Variants in ARMH4 observed in about 807,000 individuals in gnomAD.
ARMH4 encodes armadillo like helical domain containing 4.
In ARMH4, 49 loss-of-function variants were observed where a neutral mutation model predicts 61.9. That is an observed-to-expected ratio of 0.79 (90% CI 0.63 to 1.00). The LOEUF (loss-of-function observed/expected upper bound fraction) is 1.00. Among genes scored for constraint, ARMH4 ranks in the 50% least tolerant of loss-of-function variants. ARMH4 has a pLI of 0.00. For missense variants in ARMH4, 934 were observed against 930.0 expected (o/e 1.00, Z -0.06); for synonymous variants, 368 against 341.5 (o/e 1.08, Z -0.85).
intron 5 of ARMH4, among the ~76,000 whole-genome samples, chr14:58,052,736 G>T (rs1382733702): frequency 6.6e-6 from 1 of 152,184 alleles, no homozygotes; most frequent in African/African-American, 2.4e-5. Context: ...CGACTCCCAT[G>T]GCATCGTTAC....
intron 6 of ARMH4, among the ~76,000 whole-genome samples, chr14:58,007,670 A>T (rs1042223902): frequency 4.6e-5 from 7 of 152,210 alleles, no homozygotes; most frequent in Non-Finnish European, 8.8e-5. Context: ...TCATGACTTG[A>T]TTTCTTCAGC....
chr14:58,062,557 G>A (rs1166886636), intron 5 of ARMH4, among the ~76,000 whole-genome samples: 7 of 152,204 alleles, frequency 4.6e-5, no homozygotes, highest in Non-Finnish European at 8.8e-5. Flanking sequence ...GAACTGAAAA[G>A]GGATGACACA....
chr14:58,100,384 G>A (rs1170405358), intron 4 of ARMH4, among the ~76,000 whole-genome samples: 2 of 152,190 alleles, frequency 1.3e-5, no homozygotes, highest in African/African-American at 4.8e-5. Context: ...TTTTTCTCAA[G>A]CCACATTCAG....
At chr14:58,061,947 C>T (rs1388657229) in intron 5 of ARMH4, among the ~76,000 whole-genome samples, 1 of 150,968 alleles carries the variant, frequency 6.6e-6, no homozygotes, top group Non-Finnish European at 1.5e-5. Flanking sequence ...CACACAAGCC[C>T]AATCAGGTCA....
intron 4 of ARMH4, among the ~76,000 whole-genome samples, chr14:58,119,141 C>T (rs369809554): frequency 3.0e-4 from 45 of 152,322 alleles, no homozygotes; most frequent in African/African-American, 1.1e-3. Context: ...CAATGTAATG[C>T]TTCCAAGTGT....
chr14:58,038,576 A>T (rs1234664952), intron 5 of ARMH4, among the ~76,000 whole-genome samples: 14 of 151,288 alleles, frequency 9.3e-5, no homozygotes, highest in Non-Finnish European at 8.8e-5. Context: ...AAAAAAAAAA[A>T]GAAATACTTA....
At chr14:58,011,599 A>AATATCAACC (rs1281610809) in intron 6 of ARMH4, among the ~76,000 whole-genome samples, 2 of 152,152 alleles carry the variant, frequency 1.3e-5, no homozygotes, top group Non-Finnish European at 2.9e-5. Context: ...GAAAATGAAC[A>AATATCAACC]ATATCAACCT....
At chr14:58,032,830 T>A in intron 5 of ARMH4, among the ~76,000 whole-genome samples, 1 of 152,100 alleles carries the variant, frequency 6.6e-6, no homozygotes, top group South Asian at 2.1e-4. Flanking sequence ...ACCTGAATAT[T>A]GCGCTTTTCA....
intron 4 of ARMH4, among the ~76,000 whole-genome samples, chr14:58,102,533 C>T (rs941136245): frequency 1.3e-5 from 2 of 152,038 alleles, no homozygotes; most frequent in African/African-American, 4.8e-5. Flanking sequence ...GTAAGGCGGC[C>T]GGGCGCGGTG....
At chr14:58,092,390 T>C (rs943291534) in intron 5 of ARMH4, among the ~76,000 whole-genome samples, 4 of 152,256 alleles carry the variant, frequency 2.6e-5, no homozygotes, top group Non-Finnish European at 4.4e-5. Context: ...ATAGCTGCCA[T>C]GAGGCTCTGC....
At chr14:58,013,587 C>G (rs1372998579) in intron 5 of ARMH4, among the ~76,000 whole-genome samples, 1 of 152,144 alleles carries the variant, frequency 6.6e-6, no homozygotes. Flanking sequence ...AGCATGCACA[C>G]AGCTCCACCC....
Position 58,138,707 on chromosome 14 carries a change from T to C in ARMH4, c.652A>G (p.Thr218Ala). ...TCAAATTTCTCAGTCTTTGGATTGG[T>C]GGTTAGCATTTCCTTAGTATTCACA... The part of the protein sequence containing the change: ...SYVNTKEMLT[T>A]NPKTEKFEAD... Residue 218 changes from threonine (T) to alanine (A), a missense_variant, in exon 2 of 8, where the codon ACC (threonine) becomes GCC (alanine). Transcript: ENST00000267485. 2 of 1,614,128 alleles carry C rather than the reference T, an allele frequency of 1.2e-6. No homozygotes were observed. The highest frequency in any genetic ancestry group is 1.7e-6 in the Non-Finnish European group (2 of 1,180,030).
chr14:58,038,672 G>A (rs1040041604), intron 5 of ARMH4, among the ~76,000 whole-genome samples: 1 of 151,974 alleles, frequency 6.6e-6, no homozygotes, highest in Non-Finnish European at 1.5e-5. Context: ...AAGATATAGT[G>A]GCCGGTTTAA....
intron 5 of ARMH4, among the ~76,000 whole-genome samples, chr14:58,031,989 C>G (rs1883250595): frequency 6.6e-6 from 1 of 152,176 alleles, no homozygotes; most frequent in African/African-American, 2.4e-5. Flanking sequence ...GTTTCTAAGG[C>G]CCTATATGAT....
At chr14:58,072,380 A>G (rs1195699709) in intron 5 of ARMH4, among the ~76,000 whole-genome samples, 3 of 152,188 alleles carry the variant, frequency 2.0e-5, no homozygotes, top group Non-Finnish European at 4.4e-5. Context: ...ACTAATTGTA[A>G]TAGCTACTTT....
At chr14:58,064,787 A>T (rs552478680) in intron 5 of ARMH4, among the ~76,000 whole-genome samples, 1 of 152,322 alleles carries the variant, frequency 6.6e-6, no homozygotes, top group South Asian at 2.1e-4. Context: ...ACTATTTGGG[A>T]TCAAAAAAAT....
At chr14:58,149,588 C>A (rs1594787439) in intron 1 of ARMH4, among the ~76,000 whole-genome samples, 1 of 152,160 alleles carries the variant, frequency 6.6e-6, no homozygotes, top group Non-Finnish European at 1.5e-5. Flanking sequence ...TCAGTCTCTA[C>A]AAATTAGTGA....
intron 5 of ARMH4, among the ~76,000 whole-genome samples, chr14:58,092,744 A>T (rs1885613881): frequency 6.6e-6 from 1 of 151,902 alleles, no homozygotes; most frequent in Non-Finnish European, 1.5e-5. Context: ...CTCTCATAAG[A>T]ACCTTGTAAT....
chr14:58,046,646 G>T (rs1883956446), intron 5 of ARMH4, among the ~76,000 whole-genome samples: 1 of 152,156 alleles, frequency 6.6e-6, no homozygotes, highest in African/African-American at 2.4e-5. Flanking sequence ...ACAGGATAAA[G>T]CCTAAGTGTC....
Sources: allele counts gnomAD v4.1 joint callset (sites outside exome capture counted in the v4.1 genomes callset), GRCh38; gene constraint gnomAD v4.1.1; transcripts MANE v1.5; gene names NCBI Gene and HGNC (gene_info 2026-07-23, HGNC 2026-07-21).